The following PRR18 variants were observed in gnomAD, a reference collection of about 807,000 sequenced individuals.
The protein encoded by PRR18 is proline-rich protein 18.
For synonymous variants in PRR18, 228 were observed against 220.2 expected (o/e 1.04, Z -0.32); for missense variants, 517 against 437.4 (o/e 1.18, Z -1.62).
Position 166,307,462 on chromosome 6 carries a change from C to A in PRR18, c.681G>T (p.Arg227=). ...TGAGCATCGGCCGCAGGGCCCCGGG[C>A]CGCGGGCTGAGCTGGGGAACCTGCA... ...GGLQVPQLSP[R]PGALRPMLKV... is the part of the protein sequence containing the mutation. The change falls in exon 1 of 1, where the codon CGG becomes CGT. Residue 227 remains arginine (R), a synonymous_variant. Coordinates refer to ENST00000322583, the MANE Select transcript of PRR18 (RefSeq NM_175922.4). 3.9e-6 allele frequency: 6 copies of A among 1,526,000 alleles called. No homozygotes were observed. Among genetic ancestry groups the A allele is most frequent in the Non-Finnish European group, 4.4e-6 (5 of 1,145,238 alleles). The allele number at this position is 1,526,000 out of a possible 1,614,324, so 94.5% of individuals were successfully genotyped here.
Position 166,307,528 on chromosome 6 carries a change from G to A in PRR18, c.615C>T (p.Arg205=). ...GCTGGGCGCCGGGCGGAGGCGCGCGGCGGCCCTGGCCGGCGGTGGGGGGTG... is the reference window on the plus strand; with the variant it reads ...GCTGGGCGCCGGGCGGAGGCGCGCGACGGCCCTGGCCGGCGGTGGGGGGTG... ...PDAPPTAGQG[R]RAPPPGAQLL... The change falls in exon 1 of 1, where the codon CGC becomes CGT. Residue 205 remains arginine, a synonymous_variant. Coordinates refer to ENST00000322583, the MANE Select transcript of PRR18 (RefSeq NM_175922.4). 4 of 1,223,760 alleles carry A rather than the reference G, an allele frequency of 3.3e-6. No individual in the cohort carries two copies. Among genetic ancestry groups the A allele is most frequent in the Non-Finnish European group, 4.1e-6 (4 of 983,934 alleles). The allele number at this position is 1,223,760 out of a possible 1,614,324, so 75.8% of individuals were successfully genotyped here. A position where few individuals can be genotyped will look rare whatever the true frequency, so the allele number is the denominator to read the frequency against.
chr6:166,307,960 G>A lies in PRR18; in HGVS notation c.183C>T (p.Gly61=), dbSNP rs1243946468. 1.6e-5 allele frequency: 20 copies of A among 1,231,952 alleles called. No individual in the cohort carries two copies. In the East Asian group the frequency reaches 6.2e-4, roughly 38 times the overall value. The allele number at this position is 1,231,952 out of a possible 1,614,324, so 76.3% of individuals were successfully genotyped here. ...ATLKRPPARR[G]PGLDRTQPPA... ...GCGGCTGCGTCCTGTCCAGGCCGGGGCCGCGCCGGGCCGGCGGCCTCTTGA... is the reference window on the plus strand; with the variant it reads ...GCGGCTGCGTCCTGTCCAGGCCGGGACCGCGCCGGGCCGGCGGCCTCTTGA... The change falls in exon 1 of 1, where the codon GGC becomes GGT. Residue 61 remains glycine, a synonymous_variant. Coordinates refer to ENST00000322583, the MANE Select transcript of PRR18 (RefSeq NM_175922.4).
rs549068717 is a variant in PRR18, at chr6:166,307,932, C to T, written c.211G>A (p.Ala71Thr). Reference sequence around the variant, plus strand: ...GCCTGGGGGGAGACGCCCGGAGGGGCCGGCGGCTGCGTCCTGTCCAGGCCG... The same window carrying T: ...GCCTGGGGGGAGACGCCCGGAGGGGTCGGCGGCTGCGTCCTGTCCAGGCCG... ...GPGLDRTQPP[A>T]PPGVSPQALP... Residue 71 changes from alanine to threonine, a missense_variant, in exon 1 of 1, where the codon GCC becomes ACC. Ala to Thr is a moderately conservative substitution (Grantham distance 58). Transcript: ENST00000322583. The T allele has an allele frequency of 7.3e-6, 9 of 1,226,310 alleles. No individual in the cohort carries two copies. In the Admixed American group the frequency reaches 2.6e-4, roughly 35 times the overall value. The allele number at this position is 1,226,310 out of a possible 1,614,324, so 76.0% of individuals were successfully genotyped here.
chr6:166,307,433 A>G lies in PRR18; in HGVS notation c.710T>C (p.Val237Ala). Residue 237 changes from valine to alanine, a missense_variant, in exon 1 of 1, where the codon GTG becomes GCG. By Grantham distance (64) the Val-to-Ala change is moderately conservative. Transcript: ENST00000322583. ...CCTGTGCCGCTCGTTGAGCAGCGAC[A>G]CCTTGAGCATCGGCCGCAGGGCCCC... is the stretch of plus-strand genomic sequence containing the variant. ...RPGALRPMLK[V>A]SLLNERHRYD... is the part of the protein sequence containing the mutation. 6.5e-7 allele frequency: 1 copy of G among 1,549,562 alleles called. No individual in the cohort carries two copies. Among genetic ancestry groups the G allele is most frequent in the Non-Finnish European group, 8.6e-7 (1 of 1,156,934 alleles).
Position 166,307,989 on chromosome 6 carries a change from T to C in PRR18, c.154A>G (p.Thr52Ala). The change falls in exon 1 of 1, where the codon ACG becomes GCG. Residue 52 changes from threonine (T) to alanine (A), a missense_variant. Physicochemically the swap from Thr to Ala is moderately conservative, Grantham distance 58 (BLOSUM62 0). Coordinates refer to ENST00000322583, the MANE Select transcript of PRR18 (RefSeq NM_175922.4). ...CGCCGGGCCGGCGGCCTCTTGAGCG[T>C]GGCGGAGGGCCAGGAGCTGGAGAGG... is the stretch of plus-strand genomic sequence containing the variant. ...GLLSSSWPSA[T>A]LKRPPARRGP... 8.1e-7 allele frequency: 1 copy of C among 1,236,882 alleles called. No homozygotes were observed. The highest frequency in any genetic ancestry group is 1.0e-6 in the Non-Finnish European group (1 of 983,816). 76.6% of individuals were successfully genotyped at this position (1,236,882 alleles called of 1,614,324 possible). A position where few individuals can be genotyped will look rare whatever the true frequency, so the allele number is the denominator to read the frequency against.
Position 166,306,905 on chromosome 6 carries a change from G to C in PRR18, c.*350C>G, listed in dbSNP as rs756135016. ...GGGACCTAGACGAACCCTGGGGGTC[G>C]GGGCACCAAGAGGCATTTTCTCAGT... On this transcript the variant is annotated 3_prime_UTR_variant, in exon 1 of 1. Transcript: ENST00000322583. 2.4e-4 allele frequency: 55 copies of C among 225,608 alleles called. No homozygotes were observed. Among genetic ancestry groups the C allele is most frequent in the African/African-American group, 4.5e-4 (20 of 44,096 alleles). The allele number at this position is 225,608 out of a possible 1,614,324, so 14.0% of individuals were successfully genotyped here. A position where few individuals can be genotyped will look rare whatever the true frequency, so the allele number is the denominator to read the frequency against.
In PRR18 at chr6:166,308,102, G is replaced by GGGGCGGGGGC. The variant is rs1310443281; in HGVS notation, c.31_40dup (p.Pro14ArgfsTer172). The GGGGCGGGGGC allele has an allele frequency of 1.3e-5, 16 of 1,232,092 alleles. No individual in the cohort carries two copies. Among genetic ancestry groups the GGGGCGGGGGC allele is most frequent in the African/African-American group, 1.6e-5 (1 of 64,172 alleles). The allele number at this position is 1,232,092 out of a possible 1,614,324, so 76.3% of individuals were successfully genotyped here. A position where few individuals can be genotyped will look rare whatever the true frequency, so the allele number is the denominator to read the frequency against. Reference sequence around the variant, plus strand: ...TAACTGGCGCGCGGCTTGGGCCCCCGGGGCGGGGGCGGGCGGCGGCGGCAT... The same window carrying GGGGCGGGGGC: ...TAACTGGCGCGCGGCTTGGGCCCCCGGGGCGGGGGCGGGCGGGGGCGGGCGGCGGCGGCAT... On this transcript the variant is annotated frameshift_variant, in exon 1 of 1. Coordinates refer to ENST00000322583, the MANE Select transcript of PRR18 (RefSeq NM_175922.4). LOFTEE classifies it low-confidence loss of function (END_TRUNC).
rs1345032579 is a variant in PRR18, at chr6:166,307,293, C to T, written c.850G>A (p.Gly284Arg). 2 of 1,527,898 alleles carry T rather than the reference C, an allele frequency of 1.3e-6. No homozygotes were observed. Among genetic ancestry groups the T allele is most frequent in the Admixed American group, 2.0e-5 (1 of 50,332 alleles). 94.6% of individuals were successfully genotyped at this position (1,527,898 alleles called of 1,614,324 possible). Residue 284 changes from glycine to arginine, a missense_variant, in exon 1 of 1, where the codon GGG (glycine) becomes AGG (arginine). Transcript: ENST00000322583. ...AGGTGCCGCCGTGAGTCCAGGGCCC[C>T]CGCCCGGCCCCGCGCGGCAGCCGCG... ...ESAAAARGRA[G>R]ALDSRRHLST...
Position 166,308,273 on chromosome 6 carries a change from G to C in PRR18, c.-131C>G, listed in dbSNP as rs1322577914. 6 of 906,272 alleles carry C rather than the reference G, an allele frequency of 6.6e-6. No individual in the cohort carries two copies. The highest frequency in any genetic ancestry group is 1.7e-5 in the African/African-American group (1 of 57,790). 56.1% of individuals were successfully genotyped at this position (906,272 alleles called of 1,614,324 possible). A position where few individuals can be genotyped will look rare whatever the true frequency, so the allele number is the denominator to read the frequency against. On this transcript the variant is annotated 5_prime_UTR_variant, in exon 1 of 1. Transcript: ENST00000322583. ...CCTGCGTCCAGCCGCGGCCTCTCCG[G>C]CTTCCTCACATCCCAGCGACCAAAC... is the stretch of plus-strand genomic sequence containing the variant.
At position 166,306,386 on chromosome 6, in the gene PRR18, C is replaced by T. The variant is rs557175209; in HGVS notation, c.*869G>A. The T allele has an allele frequency of 3.9e-5, 6 of 152,326 alleles. No individual in the cohort carries two copies. Among genetic ancestry groups the T allele is most frequent in the East Asian group, 1.9e-4 (1 of 5,190 alleles). 9.4% of individuals were successfully genotyped at this position (152,326 alleles called of 1,614,324 possible). A position where few individuals can be genotyped will look rare whatever the true frequency, so the allele number is the denominator to read the frequency against. ...AATACATTACTCTTTTATAACCAGC[C>T]TTATCTGATTATAACATTTTATTTC... is the stretch of plus-strand genomic sequence containing the variant. On this transcript the variant is annotated 3_prime_UTR_variant, in exon 1 of 1. Coordinates refer to ENST00000322583, the MANE Select transcript of PRR18 (RefSeq NM_175922.4).
chr6:166,306,875 T>G lies in PRR18; in HGVS notation c.*380A>C. 5.3e-6 allele frequency: 1 copy of G among 188,350 alleles called. No homozygotes were observed. The allele number at this position is 188,350 out of a possible 1,614,324, so 11.7% of individuals were successfully genotyped here. ...GGAAGGCCCGCCTCCAGGCAGAGGG[T>G]CTCTGGGACCTAGACGAACCCTGGG... On this transcript the variant is annotated 3_prime_UTR_variant, in exon 1 of 1. Coordinates refer to ENST00000322583, the MANE Select transcript of PRR18 (RefSeq NM_175922.4).
rs537885126 is a variant in PRR18 at position 166,308,040 on chromosome 6, T to A, written c.103A>T (p.Arg35Trp). The change falls in exon 1 of 1, where the codon AGG (arginine) becomes TGG (tryptophan). Residue 35 changes from arginine to tryptophan, a missense_variant. Arg to Trp is a moderately radical substitution (Grantham distance 101, BLOSUM62 -3). Coordinates refer to ENST00000322583, the MANE Select transcript of PRR18 (RefSeq NM_175922.4). ...AGCCCCTCGGGCCGCTGTGGGGGCC[T>A]CTTCTTCTTGTCCCCCGCGGCGCAG... ...RPCAAGDKKK[R>W]PPQRPEGLLS... 1.5e-5 allele frequency: 18 copies of A among 1,239,486 alleles called. No individual in the cohort carries two copies. The highest frequency in any genetic ancestry group is 1.7e-5 in the Non-Finnish European group (17 of 985,414). 76.8% of individuals were successfully genotyped at this position (1,239,486 alleles called of 1,614,324 possible).
At position 166,307,177 on chromosome 6, in the gene PRR18, G is replaced by T; in HGVS notation, c.*78C>A. 1.5e-6 allele frequency: 2 copies of T among 1,293,584 alleles called. No homozygotes were observed. Among genetic ancestry groups the T allele is most frequent in the Non-Finnish European group, 9.9e-7 (1 of 1,009,792 alleles). The allele number at this position is 1,293,584 out of a possible 1,614,324, so 80.1% of individuals were successfully genotyped here. A position where few individuals can be genotyped will look rare whatever the true frequency, so the allele number is the denominator to read the frequency against. ...GCCAGAGGAGCCTGCGGTCTCCCCC[G>T]AGGGCCCCTAGGCGGAGTGGCGCGT... On this transcript the variant is annotated 3_prime_UTR_variant, in exon 1 of 1. Transcript: ENST00000322583.
rs753618512 is a variant in PRR18 at position 166,307,363 on chromosome 6, C to T, written c.780G>A (p.Glu260=). ...ACTCCGTGCACTTGCGTACCAGGCC[C>T]TCGTCCACCGCCTCTGGCTCCTCCT... ...EYEEEPEAVD[E]GLVRKCTEWL... is the part of the protein sequence containing the mutation. The change falls in exon 1 of 1, where the codon GAG becomes GAA. Residue 260 remains glutamate (E), a synonymous_variant. Coordinates refer to ENST00000322583, the MANE Select transcript of PRR18 (RefSeq NM_175922.4). 3 of 1,580,952 alleles carry T rather than the reference C, an allele frequency of 1.9e-6. No individual in the cohort carries two copies. Among genetic ancestry groups the T allele is most frequent in the East Asian group, 2.3e-5 (1 of 42,626 alleles).
chr6:166,307,136 A>G lies in PRR18; in HGVS notation c.*119T>C, dbSNP rs889647848. 2.7e-6 allele frequency: 3 copies of G among 1,122,364 alleles called. No homozygotes were observed. The highest frequency in any genetic ancestry group is 3.5e-6 in the Non-Finnish European group (3 of 861,004). 69.5% of individuals were successfully genotyped at this position (1,122,364 alleles called of 1,614,324 possible). On this transcript the variant is annotated 3_prime_UTR_variant, in exon 1 of 1. Transcript: ENST00000322583. ...GGCCAGCTTGCGCACTGGTGTCCCGAAAGTGGGCGCTGGCGGCCAGAGGAG... is the reference window on the plus strand; with the variant it reads ...GGCCAGCTTGCGCACTGGTGTCCCGGAAGTGGGCGCTGGCGGCCAGAGGAG...
chr6:166,306,018 T>C lies in PRR18; in HGVS notation c.*1237A>G, dbSNP rs970213535. The stretch of plus-strand genomic sequence containing the variant: ...TAGTTTTGCCCCTCTAGAATTAATA[T>C]ATTCATTTTAAGTAAAAGAAAACTT... On this transcript the variant is annotated 3_prime_UTR_variant, in exon 1 of 1. Transcript: ENST00000322583. 1 of 152,128 alleles carries C rather than the reference T, an allele frequency of 6.6e-6. No individual in the cohort carries two copies. The highest frequency in any genetic ancestry group is 1.5e-5 in the Non-Finnish European group (1 of 68,048). The allele number at this position is 152,128 out of a possible 1,614,324, so 9.4% of individuals were successfully genotyped here.
In PRR18 at chr6:166,306,112, G is replaced by T. The variant is rs1778092633; in HGVS notation, c.*1143C>A. On this transcript the variant is annotated 3_prime_UTR_variant, in exon 1 of 1. Coordinates refer to ENST00000322583, the MANE Select transcript of PRR18 (RefSeq NM_175922.4). ...TGTTTTTGCAACTCATCTGGCAGCTGACCTAGCTCCCAATGAATTAAATGC... is the reference window on the plus strand; with the variant it reads ...TGTTTTTGCAACTCATCTGGCAGCTTACCTAGCTCCCAATGAATTAAATGC... 6.6e-6 allele frequency: 1 copy of T among 152,164 alleles called. No homozygotes were observed. Among genetic ancestry groups the T allele is most frequent in the South Asian group, 2.1e-4 (1 of 4,836 alleles). 9.4% of individuals were successfully genotyped at this position (152,164 alleles called of 1,614,324 possible).
Position 166,307,207 on chromosome 6 carries a change from G to A in PRR18, c.*48C>T. ...CCCCTAGGCGGAGTGGCGCGTGCAG[G>A]AAGTGAGGTGGGATCAGGCCTGGCC... On this transcript the variant is annotated 3_prime_UTR_variant, in exon 1 of 1. Coordinates refer to ENST00000322583, the MANE Select transcript of PRR18 (RefSeq NM_175922.4). The A allele has an allele frequency of 8.1e-6, 11 of 1,359,528 alleles. No homozygotes were observed. The highest frequency in any genetic ancestry group is 3.6e-5 in the Admixed American group (1 of 27,870). 84.2% of individuals were successfully genotyped at this position (1,359,528 alleles called of 1,614,324 possible). A position where few individuals can be genotyped will look rare whatever the true frequency, so the allele number is the denominator to read the frequency against.
In PRR18 at chr6:166,307,546, G is replaced by A. The variant is rs961807306; in HGVS notation, c.597C>T (p.Pro199=). 8 of 1,211,258 alleles carry A rather than the reference G, an allele frequency of 6.6e-6. No individual in the cohort carries two copies. Among genetic ancestry groups the A allele is most frequent in the African/African-American group, 1.6e-5 (1 of 63,094 alleles). 75.0% of individuals were successfully genotyped at this position (1,211,258 alleles called of 1,614,324 possible). Residue 199 remains proline (P), a synonymous_variant, in exon 1 of 1, where the codon CCC becomes CCT. Coordinates refer to ENST00000322583, the MANE Select transcript of PRR18 (RefSeq NM_175922.4). The part of the protein sequence containing the change: ...GGPASDPDAP[P]TAGQGRRAPP... ...GCGCGCGGCGGCCCTGGCCGGCGGT[G>A]GGGGGTGCGTCGGGGTCGCTGGCGG...
Sources: gnomAD v4.1 joint callset for allele counts on GRCh38, gnomAD v4.1.1 for gene constraint, MANE v1.5 for transcripts, NCBI Gene and HGNC (gene_info 2026-07-23, HGNC 2026-07-21) for gene names.